Variants in PIP4K2A observed in about 807,000 individuals in gnomAD.
PIP4K2A encodes phosphatidylinositol-5-phosphate 4-kinase type 2 alpha, also known as phosphatidylinositol 5-phosphate 4-kinase type-2 alpha.
A neutral mutation model predicts 42.9 loss-of-function variants in PIP4K2A; 14 were observed. The observed-to-expected ratio is 0.33, with a 90% confidence interval of 0.22 to 0.51. The LOEUF is 0.51. Among genes scored for constraint, PIP4K2A ranks in the 20% least tolerant of loss-of-function variants. The pLI, the probability that PIP4K2A is intolerant of heterozygous loss-of-function variation, is 0.97. For synonymous variants in PIP4K2A, 192 were observed against 192.2 expected (o/e 1.00, Z 0.01); for missense variants, 434 against 519.8 (o/e 0.83, Z 1.61).
At chr10:22,609,597 TG>T (rs779426288) in intron 2 of PIP4K2A, 22 bp downstream of exon 2, 1 of 1,339,150 alleles carries the variant, frequency 7.5e-7, no homozygotes, top group Admixed American at 1.7e-5. Flanking sequence ...GCTAGTCTTA[TG>T]AAAGGTCATA....
At chr10:22,694,967 G>A (rs1220139568) in intron 1 of PIP4K2A, among the ~76,000 whole-genome samples, 1 of 152,154 alleles carries the variant, frequency 6.6e-6, no homozygotes, top group African/African-American at 2.4e-5. Context: ...TCACCAGTTA[G>A]AAAGCACAGT....
chr10:22,710,299 G>A (rs1833891614), intron 1 of PIP4K2A, among the ~76,000 whole-genome samples: 1 of 152,202 alleles, frequency 6.6e-6, no homozygotes, highest in Non-Finnish European at 1.5e-5. Flanking sequence ...ACAGAGACCT[G>A]CCTGAAACTG....
intron 4 of PIP4K2A, among the ~76,000 whole-genome samples, chr10:22,576,183 A>G (rs1443103424): frequency 3.3e-5 from 5 of 152,160 alleles, no homozygotes; most frequent in Admixed American, 3.3e-4. Context: ...CAGTAGAGAA[A>G]ATTATACCTA....
intron 4 of PIP4K2A, among the ~76,000 whole-genome samples, chr10:22,583,132 AAAC>A (rs2130809609): frequency 6.6e-6 from 1 of 152,372 alleles, no homozygotes; most frequent in Admixed American, 6.5e-5. Context: ...AAGGACTCAT[AAAC>A]AACATCATCA....
chr10:22,607,970 C>CG lies in PIP4K2A; in HGVS notation c.295dup (p.Arg99ProfsTer2). The stretch of plus-strand genomic sequence containing the variant: ...AATTCCAAACCTCTCCCGCAGGTTA[C>CG]GGAAGACCATCGGGCAGTATTCCTT... On this transcript the variant is annotated frameshift_variant, in exon 3 of 10. Transcript: ENST00000376573. LOFTEE classifies it high-confidence loss of function. The CG allele has an allele frequency of 6.2e-7, 1 of 1,613,264 alleles. No individual in the cohort carries two copies.
Position 22,536,729 on chromosome 10 carries a change from A to AAC in PIP4K2A, c.*471_*472insGT, listed in dbSNP as rs1564409006. The AAC allele has an allele frequency of 2.0e-5, 3 of 149,352 alleles. 1 individual carries two copies. In the South Asian group the frequency reaches 6.4e-4, roughly 32 times the overall value. 9.3% of individuals were successfully genotyped at this position (149,352 alleles called of 1,614,324 possible). On this transcript the variant is annotated 3_prime_UTR_variant, in exon 10 of 10. Coordinates refer to ENST00000376573, the MANE Select transcript of PIP4K2A (RefSeq NM_005028.5). ...CTTTCAACTCCAAAAAAAAAAAAAA[A>AAC]AAAAAAAAACTGATCCACAGTTTGT...
At chr10:22,664,260 T>C (rs1019011195) in intron 1 of PIP4K2A, among the ~76,000 whole-genome samples, 15 of 138,902 alleles carry the variant, frequency 1.1e-4, no homozygotes, top group East Asian at 1.0e-3. Flanking sequence ...CATATATATA[T>C]ACACACACAT....
chr10:22,683,835 TCACACACACACACACACA>T (rs138327782), intron 1 of PIP4K2A, among the ~76,000 whole-genome samples: 4 of 139,302 alleles, frequency 2.9e-5, no homozygotes, highest in African/African-American at 5.3e-5. Context: ...ACCAAGCAGT[TCACACACACACACACACA>T]CACACACACA....
chr10:22,596,554 C>T (rs1028640588), intron 3 of PIP4K2A, among the ~76,000 whole-genome samples: 5 of 152,214 alleles, frequency 3.3e-5, no homozygotes, highest in Admixed American at 2.0e-4. Flanking sequence ...GAATAAGAAA[C>T]TCCTCAGTGT....
intron 5 of PIP4K2A, among the ~76,000 whole-genome samples, chr10:22,568,261 C>T (rs1045733961): frequency 2.0e-5 from 3 of 152,232 alleles, no homozygotes; most frequent in Admixed American, 6.5e-5. Context: ...CAGAAATAGT[C>T]AGTCCTGTTA....
chr10:22,624,351 C>T lies in PIP4K2A; in HGVS notation c.145-14634G>A, dbSNP rs545435656. Among the ~76,000 whole-genome samples, 3 of 152,258 alleles carry T rather than the reference C, an allele frequency of 2.0e-5. No homozygotes were observed. In the South Asian group the frequency reaches 6.2e-4, roughly 32 times the overall value. ...AAATTTGAATGAATTCCTTTGTCAG[C>T]AAATACTGCGGGCAGAGGCATAGAA... On this transcript the variant is annotated intron_variant, in intron 1 of 9. Transcript: ENST00000376573.
At chr10:22,704,844 T>C (rs1308529291) in intron 1 of PIP4K2A, among the ~76,000 whole-genome samples, 1 of 152,140 alleles carries the variant, frequency 6.6e-6, no homozygotes, top group Non-Finnish European at 1.5e-5. Context: ...TTCAATCCAG[T>C]AACCACTAAC....
chr10:22,575,870 G>A (rs529849035), intron 4 of PIP4K2A, among the ~76,000 whole-genome samples: 81 of 151,950 alleles, frequency 5.3e-4, no homozygotes, highest in African/African-American at 1.8e-3. Context: ...CCCAGGAGGC[G>A]GAGGTTTCAG....
intron 3 of PIP4K2A, among the ~76,000 whole-genome samples, chr10:22,602,603 T>C (rs1837814507): frequency 6.6e-6 from 1 of 152,030 alleles, no homozygotes; most frequent in Admixed American, 6.5e-5. Flanking sequence ...ACCATCCAAA[T>C]ACCTTCACAT....
chr10:22,640,546 T>C (rs1168677608), intron 1 of PIP4K2A, among the ~76,000 whole-genome samples: 1 of 152,204 alleles, frequency 6.6e-6, no homozygotes, highest in Non-Finnish European at 1.5e-5. Context: ...GAGTGGATTA[T>C]GCTGATGCTG....
At chr10:22,674,215 ATGG>A (rs1216676497) in intron 1 of PIP4K2A, among the ~76,000 whole-genome samples, 1 of 152,164 alleles carries the variant, frequency 6.6e-6, no homozygotes, top group African/African-American at 2.4e-5. Context: ...TGTCTTGTGC[ATGG>A]TGGGTATTCA....
chr10:22,685,706 T>C (rs1055426863), intron 1 of PIP4K2A, among the ~76,000 whole-genome samples: 2 of 151,794 alleles, frequency 1.3e-5, no homozygotes, highest in Non-Finnish European at 2.9e-5. Context: ...GGGTGACAGA[T>C]ACTGTCTCAG....
Position 22,540,086 on chromosome 10 carries a change from G to GTCATTGCTCTCCTGTCTCT in PIP4K2A, c.1037-13_1037-12insAGAGACAGGAGAGCAATGA. On this transcript the variant is annotated splice_polypyrimidine_tract_variant and intron_variant, in intron 8 of 9. Transcript: ENST00000376573. The stretch of plus-strand genomic sequence containing the variant: ...CTTCCTAGGCGAGTCTGCAGAGACA[G>GTCATTGCTCTCCTGTCTCT]GAGAGCAATGACTGTGGGACATGTG... 1 of 1,436,268 alleles carries GTCATTGCTCTCCTGTCTCT rather than the reference G, an allele frequency of 7.0e-7. No individual in the cohort carries two copies. Among genetic ancestry groups the GTCATTGCTCTCCTGTCTCT allele is most frequent in the Non-Finnish European group, 9.8e-7 (1 of 1,018,252 alleles). The allele number at this position is 1,436,268 out of a possible 1,614,324, so 89.0% of individuals were successfully genotyped here.
intron 4 of PIP4K2A, among the ~76,000 whole-genome samples, chr10:22,580,295 C>T (rs1837237237): frequency 6.6e-6 from 1 of 151,990 alleles, no homozygotes; most frequent in Non-Finnish European, 1.5e-5. Context: ...GCACATTTTT[C>T]TTCAAAACTT....
Sources: allele counts gnomAD v4.1 joint callset (sites outside exome capture counted in the v4.1 genomes callset), GRCh38; gene constraint gnomAD v4.1.1; transcripts MANE v1.5; gene names NCBI Gene and HGNC (gene_info 2026-07-23, HGNC 2026-07-21).